The following SLC24A2 variants were observed in gnomAD, a reference collection of about 807,000 sequenced individuals.
The protein encoded by SLC24A2 is sodium/potassium/calcium exchanger 2.
SLC24A2 carries 36 observed loss-of-function variants against 62.0 expected under a neutral mutation model. The observed-to-expected ratio is 0.58, with a 90% CI of 0.44 to 0.77. The LOEUF (loss-of-function observed/expected upper bound fraction) is 0.77, where lower values mean the gene tolerates loss of function less well. SLC24A2 is among the 30% of genes least tolerant of loss of function. SLC24A2 has a pLI of 0.00. For missense variants in SLC24A2, 846 were observed against 817.9 expected (o/e 1.03, Z -0.42); for synonymous variants, 358 against 294.0 (o/e 1.22, Z -2.23).
intron 7 of SLC24A2, among the ~76,000 whole-genome samples, chr9:19,559,580 A>T (rs1282919305): frequency 6.6e-6 from 1 of 152,224 alleles, no homozygotes; most frequent in Non-Finnish European, 1.5e-5. Context: ...GAACTCTTGA[A>T]GGTAAAATTA....
the SLC24A2 span, among the ~76,000 whole-genome samples, chr9:20,106,060 C>G: frequency 6.6e-6 from 1 of 152,206 alleles, no homozygotes; most frequent in African/African-American, 2.4e-5. Context: ...TCAGAGAATA[C>G]TACAAACACC....
chr9:19,577,718 G>A (rs1255328405), intron 5 of SLC24A2, among the ~76,000 whole-genome samples: 1 of 151,974 alleles, frequency 6.6e-6, no homozygotes, highest in Non-Finnish European at 1.5e-5. Context: ...GATGCTTTGG[G>A]AATGGTGCTG....
At chr9:20,074,605 A>AAGGAAG in the SLC24A2 span, among the ~76,000 whole-genome samples, 2,499 of 52,938 alleles carry the variant, frequency 0.047, 127 homozygotes, top group African/African-American at 0.088. Context: ...AAGGAAGGAA[A>AAGGAAG]GAAGGGAGTG....
At chr9:19,577,532 A>G (rs1163597707) in intron 5 of SLC24A2, among the ~76,000 whole-genome samples, 1 of 152,214 alleles carries the variant, frequency 6.6e-6, no homozygotes, top group African/African-American at 2.4e-5. Flanking sequence ...GATAGGGGAT[A>G]CTCAACCTGT....
the SLC24A2 span, among the ~76,000 whole-genome samples, chr9:20,218,315 C>T: frequency 3.3e-5 from 5 of 152,234 alleles, no homozygotes; most frequent in Middle Eastern, 3.4e-3. Context: ...TGTAAAAGAA[C>T]CCTTGCTATG....
intron 7 of SLC24A2, 151 bp from the exon 8 acceptor site, chr9:19,550,419 G>T: frequency 1.3e-6 from 1 of 751,684 alleles, no homozygotes; most frequent in Non-Finnish European, 2.2e-6. Flanking sequence ...TTTGAGATTT[G>T]TCACAGTCTG....
At chr9:20,290,084 C>T in the SLC24A2 span, among the ~76,000 whole-genome samples, 1 of 152,158 alleles carries the variant, frequency 6.6e-6, no homozygotes, top group African/African-American at 2.4e-5. Flanking sequence ...TCGCCCTGCA[C>T]CCAACCCCAA....
the SLC24A2 span, among the ~76,000 whole-genome samples, chr9:20,178,073 G>A: frequency 1.3e-5 from 2 of 152,104 alleles, no homozygotes; most frequent in East Asian, 1.9e-4. Flanking sequence ...ATAGAGTCTG[G>A]ATTGATAAGG....
the SLC24A2 span, among the ~76,000 whole-genome samples, chr9:19,951,543 GAGGTAAGGTCA>G: frequency 8.1e-6 from 1 of 123,958 alleles, no homozygotes; most frequent in Admixed American, 8.6e-5. Flanking sequence ...TGTAATGTTT[GAGGTAAGGTCA>G]AGATTTATTT....
At chr9:20,129,890 T>G in the SLC24A2 span, among the ~76,000 whole-genome samples, 3 of 150,884 alleles carry the variant, frequency 2.0e-5, no homozygotes, top group East Asian at 5.8e-4. Flanking sequence ...ATGTGCTAAA[T>G]GTAACTAATG....
At chr9:20,195,916 A>G in the SLC24A2 span, among the ~76,000 whole-genome samples, 3 of 152,226 alleles carry the variant, frequency 2.0e-5, no homozygotes, top group African/African-American at 7.2e-5. Flanking sequence ...ATATAAAACC[A>G]TAAGAAAAAG....
chr9:19,598,393 C>G (rs1356591405), intron 4 of SLC24A2, among the ~76,000 whole-genome samples: 1 of 152,016 alleles, frequency 6.6e-6, no homozygotes, highest in Non-Finnish European at 1.5e-5. Context: ...GCTTAAAATG[C>G]AATAATAAAT....
the SLC24A2 span, chr9:19,930,073 G>A: frequency 6.6e-6 from 1 of 152,032 alleles, no homozygotes; most frequent in Non-Finnish European, 1.5e-5. Context: ...AGTAACAAAG[G>A]TTAATTTATT....
chr9:19,714,680 A>G (rs1820808135), intron 2 of SLC24A2, among the ~76,000 whole-genome samples: 1 of 152,176 alleles, frequency 6.6e-6, no homozygotes, highest in African/African-American at 2.4e-5. Context: ...ATGTTATGAA[A>G]TACATATATA....
the SLC24A2 span, among the ~76,000 whole-genome samples, chr9:20,078,443 C>T: frequency 6.6e-6 from 1 of 152,084 alleles, no homozygotes; most frequent in Non-Finnish European, 1.5e-5. Flanking sequence ...GGCTTTTGAC[C>T]ATCTCCCCAC....
the SLC24A2 span, among the ~76,000 whole-genome samples, chr9:20,279,702 C>G: frequency 1.3e-5 from 2 of 152,122 alleles, no homozygotes; most frequent in Non-Finnish European, 2.9e-5. Context: ...TTCTTACTGT[C>G]TTGTGTAAAG....
chr9:19,617,058 C>T (rs1817786880), intron 4 of SLC24A2, among the ~76,000 whole-genome samples: 1 of 152,078 alleles, frequency 6.6e-6, no homozygotes, highest in Non-Finnish European at 1.5e-5. Flanking sequence ...CCAGCGGTCC[C>T]CAAGCTTTTC....
At chr9:19,893,182 T>C in the SLC24A2 span, among the ~76,000 whole-genome samples, 60 of 152,162 alleles carry the variant, frequency 3.9e-4, no homozygotes, top group Non-Finnish European at 6.8e-4. Flanking sequence ...GGGAGTATTA[T>C]CTTAGGGTAG....
At chr9:20,298,524 C>T in the SLC24A2 span, among the ~76,000 whole-genome samples, 5 of 152,204 alleles carry the variant, frequency 3.3e-5, no homozygotes, top group African/African-American at 7.2e-5. Flanking sequence ...CCACCGCACC[C>T]GGTCCAGAAA....
Sources: allele counts gnomAD v4.1 joint callset (sites outside exome capture counted in the v4.1 genomes callset), GRCh38; gene constraint gnomAD v4.1.1; transcripts MANE v1.5; gene names NCBI Gene and HGNC (gene_info 2026-07-23, HGNC 2026-07-21).